The following NRXN1 variants were observed in gnomAD, a reference collection of about 807,000 sequenced individuals.
NRXN1 encodes the protein neurexin 1.
NRXN1 carries 39 observed loss-of-function variants against 150.9 expected under a neutral mutation model. The ratio of observed to expected loss-of-function variants is 0.26; its 90% CI spans 0.20 to 0.34. The LOEUF (loss-of-function observed/expected upper bound fraction) is 0.34. NRXN1 is among the 10% of genes least tolerant of loss of function. The probability of loss-of-function intolerance (pLI) is 1.00; values close to 1 mark genes in which losing one functional copy is unlikely to be tolerated. For missense variants in NRXN1, 1,815 were observed against 1,949.9 expected (o/e 0.93, Z 1.30); for synonymous variants, 924 against 757.0 (o/e 1.22, Z -3.62).
intron 2 of NRXN1, among the ~76,000 whole-genome samples, chr2:51,013,527 A>C (rs1300286289): frequency 1.3e-5 from 2 of 151,540 alleles, no homozygotes; most frequent in African/African-American, 2.4e-5. Context: ...TTTCCAACTC[A>C]GGACTTGGGA....
chr2:50,830,908 T>C (rs1164559670), intron 5 of NRXN1, among the ~76,000 whole-genome samples: 1 of 151,904 alleles, frequency 6.6e-6, no homozygotes, highest in African/African-American at 2.4e-5. Context: ...TGCACTAAAG[T>C]GTTCGTAGCA....
chr2:50,980,903 A>G (rs1417460644), intron 2 of NRXN1, among the ~76,000 whole-genome samples: 1 of 152,064 alleles, frequency 6.6e-6, no homozygotes, highest in African/African-American at 2.4e-5. Context: ...ATAAATCTCA[A>G]TATACCCTGC....
At chr2:50,873,708 C>A (rs1678142688) in intron 5 of NRXN1, among the ~76,000 whole-genome samples, 1 of 151,890 alleles carries the variant, frequency 6.6e-6, no homozygotes, top group East Asian at 2.0e-4. Context: ...TCAAAACACC[C>A]AGACTGCACC....
At chr2:50,236,200 G>A (rs1043475407) in intron 18 of NRXN1, among the ~76,000 whole-genome samples, 3 of 151,954 alleles carry the variant, frequency 2.0e-5, no homozygotes, top group African/African-American at 7.2e-5. Context: ...AAAGAGAATG[G>A]GCCCAGGATG....
intron 17 of NRXN1, among the ~76,000 whole-genome samples, chr2:50,331,976 A>T (rs1408486934): frequency 6.6e-6 from 1 of 152,176 alleles, no homozygotes; most frequent in Non-Finnish European, 1.5e-5. Context: ...GGTACAACCT[A>T]GGCATGTGCA....
intron 17 of NRXN1, among the ~76,000 whole-genome samples, chr2:50,297,827 G>T (rs973689637): frequency 2.6e-5 from 4 of 152,152 alleles, no homozygotes; most frequent in Non-Finnish European, 5.9e-5. Context: ...TCTTTCCAAA[G>T]AGATAATTTT....
intron 5 of NRXN1, among the ~76,000 whole-genome samples, chr2:50,718,876 T>C (rs1347843197): frequency 6.6e-6 from 1 of 152,044 alleles, no homozygotes; most frequent in Non-Finnish European, 1.5e-5. Flanking sequence ...TCTCCCTTCT[T>C]TCTTTCTTTA....
At chr2:50,938,071 A>AT (rs541525627) in intron 2 of NRXN1, among the ~76,000 whole-genome samples, 18 of 149,664 alleles carry the variant, frequency 1.2e-4, no homozygotes, top group South Asian at 6.4e-4. Context: ...TAAAAATATG[A>AT]TTTTTTTTTT....
intron 2 of NRXN1, among the ~76,000 whole-genome samples, chr2:50,950,289 G>A (rs1012344872): frequency 6.6e-6 from 1 of 152,078 alleles, no homozygotes; most frequent in African/African-American, 2.4e-5. Context: ...GGACTTTGGA[G>A]ATTGCAATAA....
At chr2:50,532,583 A>G (rs1190421842) in intron 10 of NRXN1, among the ~76,000 whole-genome samples, 1 of 152,138 alleles carries the variant, frequency 6.6e-6, no homozygotes, top group Admixed American at 6.6e-5. Flanking sequence ...ATTATCTATA[A>G]GCACAGCCCT....
At chr2:50,824,669 G>C (rs1221228127) in intron 5 of NRXN1, among the ~76,000 whole-genome samples, 1 of 152,088 alleles carries the variant, frequency 6.6e-6, no homozygotes, top group Non-Finnish European at 1.5e-5. Flanking sequence ...TAAGAAAATA[G>C]ATAATCCCCC....
chr2:50,944,848 G>A lies in NRXN1; in HGVS notation c.773-18893C>T, dbSNP rs546508916. Among the ~76,000 whole-genome samples the A allele has an allele frequency of 5.3e-5, 8 of 152,332 alleles. No homozygotes were observed. The East Asian group carries it at 1.4e-3, about 26-fold the overall frequency. On this transcript the variant is annotated intron_variant, in intron 2 of 22. Coordinates refer to ENST00000401669, the MANE Select transcript of NRXN1 (RefSeq NM_001330078.2). ...AGGATGCAGACTCAACTAGCACTGT[G>A]TGTGCTAAAATCTGTAATTAATGCA...
chr2:50,674,208 C>T (rs1689245074), intron 5 of NRXN1, among the ~76,000 whole-genome samples: 1 of 151,974 alleles, frequency 6.6e-6, no homozygotes, highest in Non-Finnish European at 1.5e-5. Flanking sequence ...GGTGATATTG[C>T]CTGGAAGGGT....
intron 5 of NRXN1, among the ~76,000 whole-genome samples, chr2:50,871,137 G>A (rs369396223): frequency 4.6e-5 from 7 of 151,670 alleles, no homozygotes; most frequent in African/African-American, 1.2e-4. Context: ...GAATTGTTCC[G>A]AAACAATAAA....
intron 19 of NRXN1, among the ~76,000 whole-genome samples, chr2:50,069,782 T>C (rs1695923748): frequency 6.6e-6 from 1 of 151,980 alleles, no homozygotes. Context: ...CAGCATGTCA[T>C]GGTTTTGACA....
intron 5 of NRXN1, among the ~76,000 whole-genome samples, chr2:50,790,800 G>A (rs926629183): frequency 6.6e-6 from 1 of 152,086 alleles, no homozygotes; most frequent in Non-Finnish European, 1.5e-5. Flanking sequence ...AGGATGACTG[G>A]GAGGGTTTTC....
chr2:50,868,976 C>T (rs1470906781), intron 5 of NRXN1, among the ~76,000 whole-genome samples: 1 of 151,720 alleles, frequency 6.6e-6, no homozygotes, highest in African/African-American at 2.4e-5. Flanking sequence ...AATTTTAAGG[C>T]AAAACAATGT....
chr2:50,756,274 T>A (rs910108554), intron 5 of NRXN1, among the ~76,000 whole-genome samples: 5 of 151,638 alleles, frequency 3.3e-5, no homozygotes, highest in African/African-American at 1.2e-4. Flanking sequence ...AATACAATTA[T>A]AAACATAGAA....
At chr2:50,240,494 C>T (rs898566076) in intron 17 of NRXN1, among the ~76,000 whole-genome samples, 18 of 151,698 alleles carry the variant, frequency 1.2e-4, no homozygotes, top group African/African-American at 4.1e-4. Flanking sequence ...CCTCTTTTCA[C>T]TGAGCTAGAA....
Sources: allele counts gnomAD v4.1 joint callset (sites outside exome capture counted in the v4.1 genomes callset), GRCh38; gene constraint gnomAD v4.1.1; transcripts MANE v1.5; gene names NCBI Gene and HGNC (gene_info 2026-07-23, HGNC 2026-07-21).